Variants in FOCAD observed in about 807,000 individuals in gnomAD.
FOCAD encodes KIAA1797.
A neutral mutation model predicts 225.6 loss-of-function variants in FOCAD; 198 were observed. That is an observed-to-expected ratio of 0.88 (90% confidence interval 0.78 to 0.99). The LOEUF (loss-of-function observed/expected upper bound fraction) is 0.99, where lower values mean the gene tolerates loss of function less well. Among genes scored for constraint, FOCAD ranks in the 50% least tolerant of loss-of-function variants. The pLI is 0.00. For missense variants in FOCAD, 2,713 were observed against 2,123.6 expected (o/e 1.28, Z -5.46); for synonymous variants, 897 against 755.0 (o/e 1.19, Z -3.08).
intron 2 of FOCAD, among the ~76,000 whole-genome samples, chr9:20,716,632 A>G (rs772981190): frequency 2.0e-5 from 3 of 151,752 alleles, no homozygotes; most frequent in Non-Finnish European, 4.4e-5. Context: ...GGTTCTTGTG[A>G]TTGTGTCCTG....
intron 35 of FOCAD, 96 bp from the exon 36 acceptor site, chr9:20,976,324 C>A: frequency 8.5e-7 from 1 of 1,170,210 alleles, no homozygotes; most frequent in Non-Finnish European, 1.2e-6. Flanking sequence ...GATATCAGAT[C>A]CTTTGATGCT....
Position 20,923,663 on chromosome 9 carries a change from G to A in FOCAD, c.2856G>A (p.Glu952=), listed in dbSNP as rs1480614198. 2 of 1,613,360 alleles carry A rather than the reference G, an allele frequency of 1.2e-6. No homozygotes were observed. Among genetic ancestry groups the A allele is most frequent in the African/African-American group, 1.3e-5 (1 of 74,908 alleles). Residue 952 remains glutamate (E), a synonymous_variant, in exon 25 of 44, where the codon GAG becomes GAA. Transcript: ENST00000338382. ...AAATTTTTTTCCTTTTGAACAGGGAGAGTCCGGTAGTGAAAGGCAATGCGC... is the reference window on the plus strand; with the variant it reads ...AAATTTTTTTCCTTTTGAACAGGGAAAGTCCGGTAGTGAAAGGCAATGCGC... ...TDEITKAAAK[E]SPVVKGNALL...
In FOCAD at chr9:20,995,768, C is replaced by G. The variant is rs560250309; in HGVS notation, c.*139C>G. ...GGGTCATGAAAAGATGGCCACATCA[C>G]TGACAGCTTGACACATGCCTCCTAA... On this transcript the variant is annotated 3_prime_UTR_variant, in exon 44 of 44. Coordinates refer to ENST00000338382, the MANE Select transcript of FOCAD (RefSeq NM_001375567.1). 70 of 679,596 alleles carry G rather than the reference C, an allele frequency of 1.0e-4. 1 individual carries two copies. In the East Asian group the frequency reaches 2.0e-3, roughly 19 times the overall value. The allele number at this position is 679,596 out of a possible 1,614,324, so 42.1% of individuals were successfully genotyped here. A position where few individuals can be genotyped will look rare whatever the true frequency, so the allele number is the denominator to read the frequency against.
upstream of FOCAD, among the ~76,000 whole-genome samples, chr9:20,681,816 A>G (rs1822406776): frequency 6.6e-6 from 1 of 152,226 alleles, no homozygotes; most frequent in Non-Finnish European, 1.5e-5. Context: ...GGGTGAGCCC[A>G]TGGACTTCCA....
At position 20,871,230 on chromosome 9, in the gene FOCAD, T is replaced by C. The variant is rs575772576; in HGVS notation, c.2191-3451T>C. Reference sequence around the variant, plus strand: ...AAAAAAAAACAAAGTAAATTATCATTTTTGACTTTCCATTTAAGTTTTTTA... The same window carrying C: ...AAAAAAAAACAAAGTAAATTATCATCTTTGACTTTCCATTTAAGTTTTTTA... On this transcript the variant is annotated intron_variant, in intron 18 of 43. Coordinates refer to ENST00000338382, the MANE Select transcript of FOCAD (RefSeq NM_001375567.1). Among the ~76,000 whole-genome samples the C allele has an allele frequency of 7.8e-4, 118 of 152,114 alleles. 1 individual carries two copies. The highest frequency in any genetic ancestry group is 1.2e-3 in the Non-Finnish European group (82 of 67,980).
intron 6 of FOCAD, among the ~76,000 whole-genome samples, chr9:20,762,464 G>T (rs1829686664): frequency 2.6e-5 from 4 of 152,042 alleles, no homozygotes; most frequent in Admixed American, 2.6e-4. Flanking sequence ...TTCTTGTTTT[G>T]TTTCCATCAT....
chr9:20,749,463 G>A (rs1828352345), intron 5 of FOCAD, among the ~76,000 whole-genome samples: 1 of 152,084 alleles, frequency 6.6e-6, no homozygotes, highest in Non-Finnish European at 1.5e-5. Context: ...TCTTTATAGT[G>A]ATATTCATGG....
intron 4 of FOCAD, among the ~76,000 whole-genome samples, chr9:20,723,044 T>C (rs1008484808): frequency 2.8e-4 from 42 of 152,220 alleles, no homozygotes; most frequent in Admixed American, 2.0e-4. Flanking sequence ...CTTAGAAAAT[T>C]ATGCTGGTGT....
At chr9:20,740,181 G>A in intron 4 of FOCAD, 55 bp from the exon 5 acceptor site, 1 of 1,135,484 alleles carries the variant, frequency 8.8e-7, no homozygotes, top group African/African-American at 1.5e-5. Context: ...TTAAGCACCT[G>A]ATTAGAATAT....
chr9:20,770,177 T>TAG lies in FOCAD; in HGVS notation c.846_847insGA (p.Thr283GlufsTer12). On this transcript the variant is annotated frameshift_variant, in exon 8 of 44. Transcript: ENST00000338382. LOFTEE classifies it high-confidence loss of function. ...TGTGTCAGTGAAGTCAGCTTAAAGA[T>TAG]AACTGGTGAATGTTCATCTTCAATT... The TAG allele has an allele frequency of 6.2e-7, 1 of 1,614,122 alleles. No homozygotes were observed. The highest frequency in any genetic ancestry group is 1.1e-5 in the South Asian group (1 of 91,082).
chr9:20,876,485 T>C (rs1830234115), intron 19 of FOCAD, among the ~76,000 whole-genome samples: 2 of 152,150 alleles, frequency 1.3e-5, no homozygotes. Flanking sequence ...CAGTACAGAA[T>C]GTGCAGTGCT....
chr9:20,734,920 ATCT>A (rs1259529786), intron 4 of FOCAD, among the ~76,000 whole-genome samples: 1 of 152,112 alleles, frequency 6.6e-6, no homozygotes, highest in Non-Finnish European at 1.5e-5. Context: ...TTATAGGAAT[ATCT>A]TCTTTTGAGT....
At chr9:20,976,569 A>C in intron 36 of FOCAD, 21 bp downstream of exon 36, 1 of 1,610,074 alleles carries the variant, frequency 6.2e-7, no homozygotes, top group Non-Finnish European at 8.5e-7. Context: ...TGTGTTTTTA[A>C]GTCTTCAGAC....
At chr9:20,655,992 T>C (rs201006922), upstream of FOCAD, among the ~76,000 whole-genome samples, 2 of 151,800 alleles carry the variant, frequency 1.3e-5, no homozygotes, top group African/African-American at 4.8e-5. Context: ...GTTCTCGTTG[T>C]TTTCAAAGAA....
intron 10 of FOCAD, among the ~76,000 whole-genome samples, chr9:20,786,060 T>C (rs1029243604): frequency 4.6e-5 from 7 of 152,218 alleles, no homozygotes; most frequent in South Asian, 2.1e-4. Context: ...GGTTAACTTT[T>C]CTGGATTACC....
At chr9:20,724,597 T>C (rs1291048929) in intron 4 of FOCAD, among the ~76,000 whole-genome samples, 1 of 152,204 alleles carries the variant, frequency 6.6e-6, no homozygotes, top group Non-Finnish European at 1.5e-5. Flanking sequence ...TGCTAAGTTT[T>C]CCTTATTGTT....
chr9:20,713,689 C>T (rs1052386824), intron 1 of FOCAD, among the ~76,000 whole-genome samples: 1 of 152,168 alleles, frequency 6.6e-6, no homozygotes, highest in Admixed American at 6.5e-5. Context: ...ACACAATAGG[C>T]AACTAATAAG....
At chr9:20,985,171 C>G (rs969894301) in intron 39 of FOCAD, among the ~76,000 whole-genome samples, 2 of 152,182 alleles carry the variant, frequency 1.3e-5, no homozygotes, top group African/African-American at 4.8e-5. Context: ...AACTCATATA[C>G]TTTGTTACAT....
chr9:20,798,690 G>A (rs535186239), intron 11 of FOCAD, among the ~76,000 whole-genome samples: 1 of 151,974 alleles, frequency 6.6e-6, no homozygotes, highest in Non-Finnish European at 1.5e-5. Context: ...GGTCGGTGGT[G>A]ATATCCCCTT....
Sources: allele counts gnomAD v4.1 joint callset (sites outside exome capture counted in the v4.1 genomes callset), GRCh38; gene constraint gnomAD v4.1.1; transcripts MANE v1.5; gene names NCBI Gene and HGNC (gene_info 2026-07-23, HGNC 2026-07-21).